Variants in POU2F1 observed in about 807,000 individuals in gnomAD.
The protein encoded by POU2F1 is POU domain, class 2, transcription factor 1.
POU2F1 carries 16 observed loss-of-function variants against 84.9 expected under a neutral mutation model. The ratio of observed to expected loss-of-function variants is 0.19; its 90% CI spans 0.13 to 0.29. The LOEUF is 0.29. POU2F1 is among the 10% of genes least tolerant of loss of function. The probability of loss-of-function intolerance (pLI) is 1.00; values close to 1 mark genes in which losing one functional copy is unlikely to be tolerated. For synonymous variants in POU2F1, 368 were observed against 368.3 expected (o/e 1.00, Z 0.01); for missense variants, 738 against 942.6 (o/e 0.78, Z 2.84).
chr1:167,296,063 G>A (rs949521097), intron 1 of POU2F1, among the ~76,000 whole-genome samples: 1 of 151,824 alleles, frequency 6.6e-6, no homozygotes, highest in Non-Finnish European at 1.5e-5. Context: ...TAAGTCGTGA[G>A]TTGGACAAAG....
chr1:167,269,273 G>T (rs1652192878), intron 1 of POU2F1, among the ~76,000 whole-genome samples: 1 of 152,238 alleles, frequency 6.6e-6, no homozygotes, highest in Non-Finnish European at 1.5e-5. Flanking sequence ...TTGTAAAGTT[G>T]TTTTAATAAT....
intron 2 of POU2F1, among the ~76,000 whole-genome samples, chr1:167,340,634 G>A (rs918210847): frequency 6.6e-6 from 1 of 151,510 alleles, no homozygotes; most frequent in Non-Finnish European, 1.5e-5. Flanking sequence ...GTTTCACCAT[G>A]TTGCCCATGC....
At position 167,425,094 on chromosome 1, in the gene POU2F1, G is replaced by A. The variant is rs1163720960; in HGVS notation, c.*9284G>A. 1 of 151,854 alleles carries A rather than the reference G, an allele frequency of 6.6e-6. No individual in the cohort carries two copies. The highest frequency in any genetic ancestry group is 1.5e-5 in the Non-Finnish European group (1 of 67,986). The allele number at this position is 151,854 out of a possible 1,614,324, so 9.4% of individuals were successfully genotyped here. A position where few individuals can be genotyped will look rare whatever the true frequency, so the allele number is the denominator to read the frequency against. On this transcript the variant is annotated 3_prime_UTR_variant, in exon 16 of 16. Transcript: ENST00000367866. ...AATCTTATATCCAATGGGCTCTCTA[G>A]AAGCTGCATCCCCAGCCCTTTCACC... is the stretch of plus-strand genomic sequence containing the variant.
rs1161973427 is a variant in POU2F1, at chr1:167,419,318, T to G, written c.*3508T>G. ...AGATAGGTCATCACAATTCATTGTA[T>G]TATTCTTTTTTTTTCCCCTTAATGT... On this transcript the variant is annotated 3_prime_UTR_variant, in exon 16 of 16. Transcript: ENST00000367866. 6.6e-6 allele frequency: 1 copy of G among 152,216 alleles called. No homozygotes were observed. The highest frequency in any genetic ancestry group is 1.5e-5 in the Non-Finnish European group (1 of 68,034). The allele number at this position is 152,216 out of a possible 1,614,324, so 9.4% of individuals were successfully genotyped here.
chr1:167,227,457 A>C (rs573390610), intron 1 of POU2F1, among the ~76,000 whole-genome samples: 269 of 152,314 alleles, frequency 1.8e-3, no homozygotes, highest in Non-Finnish European at 2.9e-3. Context: ...GCTTAAACAT[A>C]TGATTACCTT....
Position 167,424,444 on chromosome 1 carries a change from A to C in POU2F1, c.*8634A>C, listed in dbSNP as rs1159949867. On this transcript the variant is annotated 3_prime_UTR_variant, in exon 16 of 16. Coordinates refer to ENST00000367866, the MANE Select transcript of POU2F1 (RefSeq NM_002697.4). Reference sequence around the variant, plus strand: ...CATAAGTCTGTACTTCCATCCCCTCATCTGTGGTAGTAGTGAAGGCTAGGT... The same window carrying C: ...CATAAGTCTGTACTTCCATCCCCTCCTCTGTGGTAGTAGTGAAGGCTAGGT... 1 of 152,270 alleles carries C rather than the reference A, an allele frequency of 6.6e-6. No homozygotes were observed. Among genetic ancestry groups the C allele is most frequent in the African/African-American group, 2.4e-5 (1 of 41,464 alleles). The allele number at this position is 152,270 out of a possible 1,614,324, so 9.4% of individuals were successfully genotyped here.
chr1:167,389,472 T>G, intron 8 of POU2F1, 116 bp from the exon 9 acceptor site: 1 of 1,073,290 alleles, frequency 9.3e-7, no homozygotes, highest in Non-Finnish European at 1.4e-6. Context: ...TCTGTAGTGT[T>G]ACATGGTCTT....
chr1:167,220,942 G>A lies in POU2F1; in HGVS notation c.45G>A (p.Ala15=). ...GAASQDESSA[A]AAAAADSRMN... Reference sequence around the variant, plus strand: ...CGAGTCAAGATGAGAGTTCAGCCGCGGCGGCAGCAGCAGCAGGTAATCATT... The same window carrying A: ...CGAGTCAAGATGAGAGTTCAGCCGCAGCGGCAGCAGCAGCAGGTAATCATT... Residue 15 remains alanine, a synonymous_variant, in exon 1 of 16, where the codon GCG becomes GCA. Transcript: ENST00000367866. The A allele has an allele frequency of 2.6e-6, 4 of 1,535,352 alleles. No homozygotes were observed. Among genetic ancestry groups the A allele is most frequent in the Non-Finnish European group, 2.6e-6 (3 of 1,146,756 alleles).
chr1:167,363,896 T>A (rs1459463022), intron 2 of POU2F1, among the ~76,000 whole-genome samples: 1 of 152,234 alleles, frequency 6.6e-6, no homozygotes, highest in Non-Finnish European at 1.5e-5. Context: ...TTGGCAGACG[T>A]TAGCACTGTC....
intron 1 of POU2F1, among the ~76,000 whole-genome samples, chr1:167,277,008 A>G (rs1652775300): frequency 6.6e-6 from 1 of 152,210 alleles, no homozygotes; most frequent in African/African-American, 2.4e-5. Flanking sequence ...ATAGTTCACT[A>G]TTCTGGGAAG....
intron 2 of POU2F1, among the ~76,000 whole-genome samples, 196 bp from the exon 3 acceptor site, chr1:167,365,271 G>A (rs945842502): frequency 3.9e-5 from 6 of 152,140 alleles, no homozygotes; most frequent in African/African-American, 1.4e-4. Context: ...ATCAGTGTTT[G>A]TGTACTTGTC....
intron 1 of POU2F1, among the ~76,000 whole-genome samples, chr1:167,221,989 C>T (rs1378776436): frequency 6.6e-6 from 1 of 152,074 alleles, no homozygotes; most frequent in Non-Finnish European, 1.5e-5. Context: ...CGTGGTCTGA[C>T]CTCCGTCTCC....
chr1:167,300,066 C>T (rs897057174), intron 1 of POU2F1, among the ~76,000 whole-genome samples: 1 of 152,160 alleles, frequency 6.6e-6, no homozygotes, highest in Admixed American at 6.5e-5. Flanking sequence ...ACAGATACCA[C>T]GGAATACTAC....
intron 1 of POU2F1, among the ~76,000 whole-genome samples, chr1:167,312,073 T>G (rs1269637184): frequency 6.6e-6 from 1 of 152,028 alleles, no homozygotes; most frequent in Non-Finnish European, 1.5e-5. Context: ...TAACTGGAAT[T>G]ACAGGCATGC....
intron 7 of POU2F1, among the ~76,000 whole-genome samples, chr1:167,378,450 A>T (rs1660479478): frequency 1.5e-5 from 2 of 137,034 alleles, no homozygotes; most frequent in African/African-American, 2.8e-5. Flanking sequence ...CTTGTTGCCC[A>T]GGCTGGAGTG....
chr1:167,345,900 C>T (rs1023840196), intron 2 of POU2F1, among the ~76,000 whole-genome samples: 1 of 151,710 alleles, frequency 6.6e-6, no homozygotes, highest in African/African-American at 2.4e-5. Flanking sequence ...GTGGCTCACA[C>T]CTGTAATCCC....
intron 7 of POU2F1, among the ~76,000 whole-genome samples, chr1:167,382,187 A>G (rs376758663): frequency 3.3e-5 from 5 of 152,242 alleles, no homozygotes; most frequent in African/African-American, 1.2e-4. Flanking sequence ...CAAATGGTTT[A>G]GATACCAATA....
Position 167,365,577 on chromosome 1 carries a change from T to C in POU2F1, c.228+10T>C, listed in dbSNP as rs375664168. On this transcript the variant is annotated intron_variant, in intron 3 of 15. Coordinates refer to ENST00000367866, the MANE Select transcript of POU2F1 (RefSeq NM_002697.4). ...TGGACATCTCCATCAGGTAGGAATG[T>C]TCTGCTCAACCATCAGTGAGAGTGA... is the stretch of plus-strand genomic sequence containing the variant. The C allele has an allele frequency of 3.7e-4, 584 of 1,567,792 alleles. No individual in the cohort carries two copies. The highest frequency in any genetic ancestry group is 4.9e-4 in the Non-Finnish European group (569 of 1,154,058).
intron 2 of POU2F1, among the ~76,000 whole-genome samples, chr1:167,362,451 A>T (rs1324978835): frequency 6.6e-6 from 1 of 152,234 alleles, no homozygotes; most frequent in South Asian, 2.1e-4. Flanking sequence ...ATGCAGGGTC[A>T]CATGGGGAAG....
Sources: allele counts gnomAD v4.1 joint callset (sites outside exome capture counted in the v4.1 genomes callset), GRCh38; gene constraint gnomAD v4.1.1; transcripts MANE v1.5; gene names NCBI Gene and HGNC (gene_info 2026-07-23, HGNC 2026-07-21).